NCAM2: variants seen among roughly 807,000 people sequenced by gnomAD.
NCAM2 encodes neural cell adhesion molecule 2.
Under a neutral mutation model 98.1 loss-of-function variants are expected in NCAM2, and 30 were observed. That is an observed-to-expected ratio of 0.31 (90% CI 0.23 to 0.41). The LOEUF is 0.41. Among genes scored for constraint, NCAM2 ranks in the 10% least tolerant of loss-of-function variants. The pLI, the probability that NCAM2 is intolerant of heterozygous loss-of-function variation, is 1.00. For synonymous variants in NCAM2, 368 were observed against 342.4 expected (o/e 1.07, Z -0.83); for missense variants, 867 against 1,005.8 (o/e 0.86, Z 1.87).
intron 1 of NCAM2, among the ~76,000 whole-genome samples, chr21:21,078,438 T>A (rs1276991120): frequency 6.6e-6 from 1 of 152,152 alleles, no homozygotes; most frequent in Non-Finnish European, 1.5e-5. Flanking sequence ...TTTATATAAT[T>A]CAGATGTGTA....
intron 1 of NCAM2, among the ~76,000 whole-genome samples, chr21:21,275,464 TAAA>T (rs1031166413): frequency 6.6e-6 from 1 of 150,862 alleles, no homozygotes; most frequent in African/African-American, 2.4e-5. Flanking sequence ...TAAAAATAAA[TAAA>T]AAAAGAAAAA....
At chr21:21,423,960 G>A (rs1388533175) in intron 11 of NCAM2, among the ~76,000 whole-genome samples, 1 of 152,078 alleles carries the variant, frequency 6.6e-6, no homozygotes, top group East Asian at 1.9e-4. Context: ...CGATCTACTG[G>A]TCTGTGTACC....
At chr21:21,355,218 G>T (rs953941756) in intron 8 of NCAM2, among the ~76,000 whole-genome samples, 68 of 151,968 alleles carry the variant, frequency 4.5e-4, no homozygotes, top group African/African-American at 1.5e-3. Flanking sequence ...TGGATCGCAT[G>T]AGGCCAGGAG....
intron 12 of NCAM2, among the ~76,000 whole-genome samples, chr21:21,444,457 G>A (rs561237193): frequency 1.4e-5 from 2 of 146,396 alleles, no homozygotes; most frequent in South Asian, 4.2e-4. Context: ...GAATCTGTCT[G>A]GTCCTGGGCT....
chr21:21,091,098 G>C (rs1394382229), intron 1 of NCAM2, among the ~76,000 whole-genome samples: 1 of 152,150 alleles, frequency 6.6e-6, no homozygotes, highest in Non-Finnish European at 1.5e-5. Context: ...CCCAATCTGA[G>C]TTCGATGCTT....
At chr21:21,065,849 G>A (rs77907449) in intron 1 of NCAM2, among the ~76,000 whole-genome samples, 5,649 of 152,160 alleles carry the variant, frequency 0.037, 328 homozygotes, top group African/African-American at 0.13. Flanking sequence ...AATTAGACAA[G>A]GGAGTGTTCT....
At chr21:21,006,027 G>A (rs191597293) in intron 1 of NCAM2, among the ~76,000 whole-genome samples, 70 of 152,284 alleles carry the variant, frequency 4.6e-4, no homozygotes, top group Non-Finnish European at 8.8e-4. Context: ...GAGATTAAGA[G>A]TGCCTGATTT....
chr21:21,027,481 A>T lies in NCAM2; in HGVS notation c.55+28863A>T, dbSNP rs182435169. Among the ~76,000 whole-genome samples, 257 of 152,352 alleles carry T rather than the reference A, an allele frequency of 1.7e-3. 2 individuals are homozygous for T. The highest frequency in any genetic ancestry group is 5.9e-3 in the African/African-American group (246 of 41,590). ...AATTTCTAATTATAACCATACTCTC[A>T]CATTTGGAAATAATTTGTAAACATG... is the stretch of plus-strand genomic sequence containing the variant. On this transcript the variant is annotated intron_variant, in intron 1 of 17. Transcript: ENST00000400546.
At chr21:21,073,236 A>G (rs2065610170) in intron 1 of NCAM2, among the ~76,000 whole-genome samples, 1 of 152,218 alleles carries the variant, frequency 6.6e-6, no homozygotes, top group Non-Finnish European at 1.5e-5. Context: ...GGACACACTT[A>G]TAAATGCTAT....
At chr21:21,015,280 A>G (rs917833973) in intron 1 of NCAM2, among the ~76,000 whole-genome samples, 8 of 152,220 alleles carry the variant, frequency 5.3e-5, no homozygotes, top group Admixed American at 4.6e-4. Context: ...ACAATATTGC[A>G]TGCTACAGAG....
chr21:21,452,218 A>G (rs1981209335), intron 12 of NCAM2, among the ~76,000 whole-genome samples: 1 of 100,244 alleles, frequency 1.0e-5, no homozygotes, highest in Non-Finnish European at 2.6e-5. Flanking sequence ...ACACACACAT[A>G]TATATTATAT....
At chr21:21,023,225 T>C (rs1433065965) in intron 1 of NCAM2, among the ~76,000 whole-genome samples, 1 of 152,152 alleles carries the variant, frequency 6.6e-6, no homozygotes, top group African/African-American at 2.4e-5. Flanking sequence ...GTACTAGTTA[T>C]TAAGAAGGAA....
chr21:21,288,676 T>C (rs2073187127), intron 4 of NCAM2, among the ~76,000 whole-genome samples: 3 of 151,868 alleles, frequency 2.0e-5, no homozygotes, highest in African/African-American at 7.2e-5. Flanking sequence ...TGAAATAATA[T>C]TATTCACTGC....
intron 1 of NCAM2, among the ~76,000 whole-genome samples, chr21:21,031,294 C>G (rs1412651542): frequency 6.6e-6 from 1 of 152,110 alleles, no homozygotes; most frequent in Non-Finnish European, 1.5e-5. Flanking sequence ...TTTGTAAAGA[C>G]TAGATGAGGT....
intron 1 of NCAM2, among the ~76,000 whole-genome samples, chr21:21,166,341 G>A (rs894710834): frequency 5.3e-5 from 8 of 151,998 alleles, no homozygotes; most frequent in East Asian, 3.9e-4. Flanking sequence ...CTGAGTAGCC[G>A]GGATTACAGG....
At chr21:21,061,223 C>CT (rs2065314703) in intron 1 of NCAM2, among the ~76,000 whole-genome samples, 5 of 152,188 alleles carry the variant, frequency 3.3e-5, no homozygotes, top group African/African-American at 1.2e-4. Flanking sequence ...GAGTTAAAGA[C>CT]CTGTGTTCAA....
intron 1 of NCAM2, among the ~76,000 whole-genome samples, chr21:21,046,421 C>G (rs998409697): frequency 1.3e-5 from 2 of 152,166 alleles, no homozygotes; most frequent in South Asian, 4.2e-4. Flanking sequence ...AAATTTTGTT[C>G]AAGATTCTAT....
At chr21:21,402,216 T>C (rs2076645928) in intron 9 of NCAM2, among the ~76,000 whole-genome samples, 1 of 152,156 alleles carries the variant, frequency 6.6e-6, no homozygotes, top group South Asian at 2.1e-4. Context: ...AGAAAGCCTA[T>C]AAACGGACAT....
At chr21:21,078,184 G>C (rs2065719432) in intron 1 of NCAM2, among the ~76,000 whole-genome samples, 1 of 151,998 alleles carries the variant, frequency 6.6e-6, no homozygotes, top group South Asian at 2.1e-4. Flanking sequence ...ATTACCTCTA[G>C]CTTATTCTCA....
Sources: allele counts gnomAD v4.1 joint callset (sites outside exome capture counted in the v4.1 genomes callset), GRCh38; gene constraint gnomAD v4.1.1; transcripts MANE v1.5; gene names NCBI Gene and HGNC (gene_info 2026-07-23, HGNC 2026-07-21).